ITGA9: variants seen among roughly 807,000 people sequenced by gnomAD.
ITGA9 encodes integrin subunit alpha 9, also known as integrin alpha-9.
In ITGA9, 56 loss-of-function variants were observed where a neutral mutation model predicts 127.8. The ratio of observed to expected loss-of-function variants is 0.44; its 90% CI spans 0.35 to 0.55. ITGA9 has a LOEUF of 0.55. Ranked by LOEUF, ITGA9 falls within the 20% of genes least tolerant of loss-of-function variation. The pLI is 0.00. For missense variants in ITGA9, 1,196 were observed against 1,347.1 expected (o/e 0.89, Z 1.76); for synonymous variants, 508 against 514.5 (o/e 0.99, Z 0.17).
chr3:37,691,953 C>T (rs562053580), intron 18 of ITGA9, among the ~76,000 whole-genome samples: 11 of 152,310 alleles, frequency 7.2e-5, no homozygotes, highest in African/African-American at 2.6e-4. Context: ...TTAGAAGCTG[C>T]TAGAAGTAAA....
chr3:37,774,656 G>A (rs115452443), intron 23 of ITGA9, among the ~76,000 whole-genome samples: 16 of 152,010 alleles, frequency 1.1e-4, no homozygotes, highest in African/African-American at 3.6e-4. Flanking sequence ...GAGCCCAGGA[G>A]GTTGAAGCTG....
At chr3:37,587,344 G>T (rs777321020) in intron 15 of ITGA9, among the ~76,000 whole-genome samples, 18 of 152,158 alleles carry the variant, frequency 1.2e-4, no homozygotes, top group Non-Finnish European at 2.2e-4. Context: ...AAACAGTTAA[G>T]TTCAGGTCCT....
intron 22 of ITGA9, among the ~76,000 whole-genome samples, chr3:37,744,349 C>T (rs1404617992): frequency 6.6e-6 from 1 of 152,210 alleles, no homozygotes; most frequent in Non-Finnish European, 1.5e-5. Flanking sequence ...ATGAGGACCC[C>T]TTTCTGTTCT....
chr3:37,512,179 CT>C (rs1416356658), intron 8 of ITGA9, among the ~76,000 whole-genome samples: 8 of 20,740 alleles, frequency 3.9e-4, no homozygotes, highest in Admixed American at 1.6e-3. Flanking sequence ...CTTTTCTTTT[CT>C]TTTCTTTTCT....
rs1699856410 is a variant in ITGA9 at position 37,595,089 on chromosome 3, G to T, written c.1690-34098G>T. On this transcript the variant is annotated intron_variant, in intron 15 of 27. Coordinates refer to ENST00000264741, the MANE Select transcript of ITGA9 (RefSeq NM_002207.3). ...GGAAGATCCGCTTCCTTGTTTTGTT[G>T]TTTTTGTTTTTGTTTTTGTTTTTTT... is the stretch of plus-strand genomic sequence containing the variant. 2.0e-5 allele frequency among the ~76,000 whole-genome samples: 3 copies of T among 151,840 alleles called. No homozygotes were observed. The South Asian group carries it at 6.2e-4, about 32-fold the overall frequency.
At chr3:37,654,017 T>G (rs1220170116) in intron 17 of ITGA9, among the ~76,000 whole-genome samples, 1 of 152,228 alleles carries the variant, frequency 6.6e-6, no homozygotes, top group Non-Finnish European at 1.5e-5. Flanking sequence ...ATTCCACATA[T>G]CTCACAATGT....
At chr3:37,647,132 A>G (rs1245657855) in intron 16 of ITGA9, among the ~76,000 whole-genome samples, 3 of 152,010 alleles carry the variant, frequency 2.0e-5, no homozygotes, top group African/African-American at 7.2e-5. Context: ...TTTTTTACCT[A>G]TTAAACAATT....
Position 37,688,962 on chromosome 3 carries a change from A to T in ITGA9, c.2067+4947A>T, listed in dbSNP as rs1021438244. Among the ~76,000 whole-genome samples the T allele has an allele frequency of 2.1e-5, 3 of 144,358 alleles. No homozygotes were observed. In the Admixed American group the frequency reaches 2.1e-4, roughly 10 times the overall value. 94.7% of individuals were successfully genotyped at this position (144,358 alleles called of 152,430 possible). On this transcript the variant is annotated intron_variant, in intron 18 of 27. Transcript: ENST00000264741. ...GGTGGATGAGTGGGTATGTGGGTGG[A>T]TGGGCAGGTGAGTGGATGACTGGCT...
At position 37,653,616 on chromosome 3, in the gene ITGA9, G is replaced by A. The variant is rs1479215332; in HGVS notation, c.1840-98G>A. ...GAGTAGAAGCCCTGAGGGGCTCAGGGGAGGAATTCCCACTGATTTGCAAGA... is the reference window on the plus strand; with the variant it reads ...GAGTAGAAGCCCTGAGGGGCTCAGGAGAGGAATTCCCACTGATTTGCAAGA... On this transcript the variant is annotated intron_variant, in intron 16 of 27. Coordinates refer to ENST00000264741, the MANE Select transcript of ITGA9 (RefSeq NM_002207.3). The A allele has an allele frequency of 1.2e-5, 11 of 918,102 alleles. No individual in the cohort carries two copies. In the Admixed American group the frequency reaches 1.7e-4, roughly 14 times the overall value. The allele number at this position is 918,102 out of a possible 1,614,324, so 56.9% of individuals were successfully genotyped here. A position where few individuals can be genotyped will look rare whatever the true frequency, so the allele number is the denominator to read the frequency against.
intron 14 of ITGA9, among the ~76,000 whole-genome samples, chr3:37,539,488 A>G (rs891009143): frequency 3.9e-5 from 6 of 152,234 alleles, no homozygotes; most frequent in Non-Finnish European, 7.3e-5. Context: ...GCAGGCCAGT[A>G]GGCTGGAGAC....
intron 5 of ITGA9, among the ~76,000 whole-genome samples, chr3:37,501,858 G>T (rs960979105): frequency 6.6e-6 from 1 of 152,202 alleles, no homozygotes; most frequent in Non-Finnish European, 1.5e-5. Context: ...AGTCTGAGGG[G>T]GCAGTGGCAG....
At chr3:37,607,976 G>T (rs1699984426) in intron 15 of ITGA9, among the ~76,000 whole-genome samples, 2 of 152,186 alleles carry the variant, frequency 1.3e-5, no homozygotes, top group African/African-American at 4.8e-5. Context: ...TTTCATTCCT[G>T]TGAGGGATGG....
intron 26 of ITGA9, among the ~76,000 whole-genome samples, chr3:37,803,336 G>A (rs745558137): frequency 6.6e-6 from 1 of 152,124 alleles, no homozygotes; most frequent in Non-Finnish European, 1.5e-5. Flanking sequence ...GCCTTTTCAG[G>A]TGCCAGTGAA....
rs149141822 is a variant in ITGA9 at position 37,565,839 on chromosome 3, A to G, written c.1689+23254A>G. On this transcript the variant is annotated intron_variant, in intron 15 of 27. Transcript: ENST00000264741. ...GCTGGTCTAGGGACCCCAGTGTGGAACCCTTGCTGACTGGGTTGGGAGTGA... is the reference window on the plus strand; with the variant it reads ...GCTGGTCTAGGGACCCCAGTGTGGAGCCCTTGCTGACTGGGTTGGGAGTGA... Among the ~76,000 whole-genome samples the G allele has an allele frequency of 4.2e-3, 647 of 152,242 alleles. 8 individuals carry two copies. In the Middle Eastern group the frequency reaches 0.061, roughly 14 times the overall value.
intron 16 of ITGA9, among the ~76,000 whole-genome samples, chr3:37,631,041 G>C (rs559226438): frequency 1.2e-4 from 18 of 152,338 alleles, no homozygotes; most frequent in African/African-American, 4.1e-4. Flanking sequence ...TGGGGACACA[G>C]TAAAGCATGG....
chr3:37,565,894 G>A (rs1220447054), intron 15 of ITGA9, among the ~76,000 whole-genome samples: 3 of 152,094 alleles, frequency 2.0e-5, no homozygotes, highest in Non-Finnish European at 1.5e-5. Context: ...AGAAATACTG[G>A]GGACCCTTGA....
chr3:37,545,180 A>C (rs1699313610), intron 15 of ITGA9, among the ~76,000 whole-genome samples: 1 of 152,122 alleles, frequency 6.6e-6, no homozygotes. Context: ...TCTCTACTGC[A>C]AGTGGAGCTT....
rs543733936 is a variant in ITGA9 at position 37,508,937 on chromosome 3, C to T, written c.897+310C>T. 5.8e-4 allele frequency among the ~76,000 whole-genome samples: 89 copies of T among 152,292 alleles called. No homozygotes were observed. The Middle Eastern group carries it at 0.01, about 17-fold the overall frequency. ...GTGACTGCATGCCCTGTCTCTCTGC[C>T]TCCATCCTTTCTCAACGAATCTCCA... On this transcript the variant is annotated intron_variant, in intron 8 of 27. Transcript: ENST00000264741.
rs761478548 is a variant in ITGA9 at position 37,743,931 on chromosome 3, T to G, written c.2330T>G (p.Met777Arg). The G allele has an allele frequency of 6.2e-7, 1 of 1,611,240 alleles. No homozygotes were observed. Among genetic ancestry groups the G allele is most frequent in the Admixed American group, 1.7e-5 (1 of 60,004 alleles). ...TTCATGCTTTCCTCTTTCAGAATCA[T>G]GTCTCCAACCTCCTTTGTATATGGC... is the stretch of plus-strand genomic sequence containing the variant. ...HEVDTSITGI[M>R]SPTSFVYGES... The change falls in exon 22 of 28, where the codon ATG becomes AGG. Residue 777 changes from methionine (M) to arginine (R), a missense_variant. Coordinates refer to ENST00000264741, the MANE Select transcript of ITGA9 (RefSeq NM_002207.3).
Sources: allele counts gnomAD v4.1 joint callset (sites outside exome capture counted in the v4.1 genomes callset), GRCh38; gene constraint gnomAD v4.1.1; transcripts MANE v1.5; gene names NCBI Gene and HGNC (gene_info 2026-07-23, HGNC 2026-07-21).